Variants in TSPAN8 observed in about 807,000 individuals in gnomAD.
TSPAN8 encodes the protein tetraspanin-8.
TSPAN8 carries 21 observed loss-of-function variants against 32.8 expected under a neutral mutation model. That is an observed-to-expected ratio of 0.64 (90% CI 0.45 to 0.92). The LOEUF (loss-of-function observed/expected upper bound fraction) is 0.92. Ranked by LOEUF, TSPAN8 falls within the 40% of genes least tolerant of loss-of-function variation. The pLI is 0.00. For missense variants in TSPAN8, 269 were observed against 281.9 expected (o/e 0.95, Z 0.33); for synonymous variants, 95 against 94.6 (o/e 1.00, Z -0.03).
chr12:71,145,375 C>T (rs537546951), intron 2 of TSPAN8, among the ~76,000 whole-genome samples: 2 of 152,112 alleles, frequency 1.3e-5, no homozygotes, highest in Non-Finnish European at 2.9e-5. Context: ...CATGAAAACC[C>T]GGAGCAATTC....
At chr12:71,139,944 A>G in intron 3 of TSPAN8, 96 bp from the exon 4 acceptor site, 1 of 1,268,346 alleles carries the variant, frequency 7.9e-7, no homozygotes, top group African/African-American at 1.5e-5. Context: ...CTATGTGTCA[A>G]GTCCTGTGCC....
intron 2 of TSPAN8, among the ~76,000 whole-genome samples, chr12:71,146,196 T>C (rs1047701372): frequency 1.3e-5 from 2 of 152,170 alleles, no homozygotes; most frequent in African/African-American, 4.8e-5. Context: ...AGACAATCTT[T>C]CTCAGGAACT....
intron 2 of TSPAN8, among the ~76,000 whole-genome samples, chr12:71,145,985 G>A (rs778592416): frequency 2.6e-5 from 4 of 151,904 alleles, no homozygotes; most frequent in Non-Finnish European, 5.9e-5. Flanking sequence ...TTTTTTGTTC[G>A]TGTATCACTA....
chr12:71,138,149 C>T lies in TSPAN8; in HGVS notation c.336+7G>A, dbSNP rs767833296. ...TCTTCAAAATTTTCAAACATCTGTG[C>T]ACACACCTTAGATTTGAAAACAGCT... On this transcript the variant is annotated splice_region_variant and intron_variant, in intron 5 of 8. Coordinates refer to ENST00000247829, the MANE Select transcript of TSPAN8 (RefSeq NM_004616.3). 97 of 1,613,796 alleles carry T rather than the reference C, an allele frequency of 6.0e-5. No individual in the cohort carries two copies. The highest frequency in any genetic ancestry group is 1.6e-4 in the South Asian group (15 of 91,060).
At chr12:71,150,527 C>T (rs1798088) in intron 2 of TSPAN8, among the ~76,000 whole-genome samples, 11,655 of 152,148 alleles carry the variant, frequency 0.077, 646 homozygotes, top group African/African-American at 0.14. Context: ...ATGTCACCCC[C>T]GGCAGCCCAG....
rs1211539473 is a variant in TSPAN8, at chr12:71,129,429, AAAC to A, written c.577-18_577-16del. 3.9e-6 allele frequency: 6 copies of A among 1,555,934 alleles called. No homozygotes were observed. Among genetic ancestry groups the A allele is most frequent in the Non-Finnish European group, 5.2e-6 (6 of 1,157,330 alleles). ...GAAATACAGGTCTGTTAAAAAAAAA[AAAC>A]ATTAAAAGTTACCTCTCAGAAAAAT... is the stretch of plus-strand genomic sequence containing the variant. On this transcript the variant is annotated splice_polypyrimidine_tract_variant and intron_variant, in intron 7 of 8. Transcript: ENST00000247829.
At chr12:71,157,363 AT>A (rs746088171) in intron 2 of TSPAN8, 603 of 382,736 alleles carry the variant, frequency 1.6e-3, no homozygotes, top group Middle Eastern at 3.0e-3. Flanking sequence ...TTCCTCTGTG[AT>A]TTTTTTTTGC....
Position 71,129,335 on chromosome 12 carries a change from A to G in TSPAN8, c.656T>C (p.Ile219Thr), listed in dbSNP as rs774338946. The G allele has an allele frequency of 5.1e-6, 8 of 1,577,848 alleles. No homozygotes were observed. Among genetic ancestry groups the G allele is most frequent in the South Asian group, 2.4e-5 (2 of 84,012 alleles). The part of the protein sequence containing the change: ...VIGISFGLAV[I>T]EILGLVFSMV... The stretch of plus-strand genomic sequence containing the variant: ...TAATACAAGATTATACTGTACCTCA[A>G]TAACTGCCAGTCCAAATGATATTCC... The change falls in exon 8 of 9, where the codon ATT becomes ACT. Residue 219 changes from isoleucine (I) to threonine (T), a missense_variant. By Grantham distance (89) the Ile-to-Thr change is moderately conservative (BLOSUM62 -1). Coordinates refer to ENST00000247829, the MANE Select transcript of TSPAN8 (RefSeq NM_004616.3).
At chr12:71,132,931 A>G in intron 6 of TSPAN8, 107 bp from the exon 7 acceptor site, 10 of 1,277,774 alleles carry the variant, frequency 7.8e-6, no homozygotes, top group Non-Finnish European at 9.8e-6. Context: ...TTATTATGCT[A>G]AAATACCATG....
At chr12:71,145,758 T>C (rs910172124) in intron 2 of TSPAN8, among the ~76,000 whole-genome samples, 18 of 152,188 alleles carry the variant, frequency 1.2e-4, no homozygotes, top group African/African-American at 4.3e-4. Flanking sequence ...GTTGTTTAGT[T>C]TGTTCACTGA....
rs747620614 is a variant in TSPAN8 at position 71,132,659 on chromosome 12, T to C, written c.576+34A>G. On this transcript the variant is annotated intron_variant, in intron 7 of 8. Transcript: ENST00000247829. ...TAATTGTGAAAAGAAAGTAACAGAA[T>C]TGCTTATTGTACCAAATGTGATTTA... is the stretch of plus-strand genomic sequence containing the variant. The C allele has an allele frequency of 1.1e-5, 17 of 1,603,938 alleles. No homozygotes were observed. The Middle Eastern group carries it at 5.1e-4, about 48-fold the overall frequency.
At chr12:71,148,191 T>A (rs1421548473) in intron 2 of TSPAN8, among the ~76,000 whole-genome samples, 1 of 152,210 alleles carries the variant, frequency 6.6e-6, no homozygotes, top group African/African-American at 2.4e-5. Flanking sequence ...TTCCCATGCT[T>A]CAATTATCCA....
intron 7 of TSPAN8, among the ~76,000 whole-genome samples, chr12:71,132,386 T>C (rs1361661134): frequency 6.6e-6 from 1 of 152,192 alleles, no homozygotes; most frequent in Non-Finnish European, 1.5e-5. Flanking sequence ...TAAAAGAGAA[T>C]AATGATTAAG....
chr12:71,155,736 A>ATT (rs200596815), intron 2 of TSPAN8, among the ~76,000 whole-genome samples: 5,936 of 148,088 alleles, frequency 0.04, 398 homozygotes, highest in East Asian at 0.29. Context: ...TTGTGGTAAC[A>ATT]TTTTTTTTTT....
chr12:71,146,576 T>C (rs573436151), intron 2 of TSPAN8, among the ~76,000 whole-genome samples: 81 of 152,178 alleles, frequency 5.3e-4, no homozygotes, highest in Non-Finnish European at 9.7e-4. Flanking sequence ...AATAAATGCC[T>C]GCTCTCTACT....
intron 6 of TSPAN8, 66 bp downstream of exon 6, chr12:71,137,887 T>G: frequency 2.1e-6 from 3 of 1,460,818 alleles, no homozygotes; most frequent in Non-Finnish European, 2.8e-6. Flanking sequence ...AGGAAGATGT[T>G]AAAAACTAAA....
intron 8 of TSPAN8, among the ~76,000 whole-genome samples, chr12:71,127,664 A>G (rs993100970): frequency 2.6e-5 from 4 of 152,238 alleles, no homozygotes; most frequent in Non-Finnish European, 2.9e-5. Context: ...CATGGAATAT[A>G]ACAATTTCAT....
intron 2 of TSPAN8, among the ~76,000 whole-genome samples, chr12:71,156,611 C>A (rs1448729222): frequency 6.6e-6 from 1 of 152,192 alleles, no homozygotes; most frequent in Admixed American, 6.5e-5. Flanking sequence ...AAGCTGTATT[C>A]ATGTAGTTAA....
chr12:71,125,380 C>G lies in TSPAN8; in HGVS notation c.668G>C (p.Gly223Ala). ...ATACAGGACCATAGAAAACACCAAA[C>G]CCAGTATCTAGAGAACAAAATAACA... is the stretch of plus-strand genomic sequence containing the variant. Reference protein sequence around the residue: ...SFGLAVIEILGLVFSMVLYCQ... With the variant: ...SFGLAVIEILALVFSMVLYCQ... The change falls in exon 9 of 9, where the codon GGT (glycine) becomes GCT (alanine). Residue 223 changes from glycine to alanine, a missense_variant. Gly to Ala is a moderately conservative substitution (Grantham distance 60, BLOSUM62 0). Coordinates refer to ENST00000247829, the MANE Select transcript of TSPAN8 (RefSeq NM_004616.3). 6.2e-7 allele frequency: 1 copy of G among 1,612,172 alleles called. No individual in the cohort carries two copies. Among genetic ancestry groups the G allele is most frequent in the African/African-American group, 1.3e-5 (1 of 74,906 alleles).
Sources: allele counts gnomAD v4.1 joint callset (sites outside exome capture counted in the v4.1 genomes callset), GRCh38; gene constraint gnomAD v4.1.1; transcripts MANE v1.5; gene names NCBI Gene and HGNC (gene_info 2026-07-23, HGNC 2026-07-21).